Variants in GXYLT1 observed in about 807,000 individuals in gnomAD.
GXYLT1 encodes glucoside xylosyltransferase 1, also known as glycosyltransferase 8 domain containing 3.
Under a neutral mutation model 54.0 loss-of-function variants are expected in GXYLT1, and 29 were observed. The ratio of observed to expected loss-of-function variants is 0.54; its 90% CI spans 0.40 to 0.73. The LOEUF (loss-of-function observed/expected upper bound fraction) is 0.73. GXYLT1 is among the 30% of genes least tolerant of loss of function. The pLI is 0.00. For synonymous variants in GXYLT1, 176 were observed against 204.1 expected, an observed-to-expected ratio of 0.86 and a Z score of 1.17; for missense variants, 490 against 553.4, an observed-to-expected ratio of 0.89 and a Z score of 1.15.
At chr12:42,089,462 T>C (rs2065316762) in intron 7 of GXYLT1, among the ~76,000 whole-genome samples, 1 of 152,156 alleles carries the variant, frequency 6.6e-6, no homozygotes, top group Middle Eastern at 3.2e-3. Context: ...GTTGTGCATA[T>C]GTACCCTAGA....
intron 7 of GXYLT1, among the ~76,000 whole-genome samples, chr12:42,092,200 T>C (rs1226943495): frequency 2.6e-5 from 4 of 152,190 alleles, no homozygotes; most frequent in Admixed American, 2.6e-4. Context: ...CACTAACAAA[T>C]AATGAGAACT....
intron 3 of GXYLT1, among the ~76,000 whole-genome samples, chr12:42,113,665 T>C (rs1355013134): frequency 6.6e-6 from 1 of 150,678 alleles, no homozygotes; most frequent in African/African-American, 2.5e-5. Flanking sequence ...AGACTTAGAC[T>C]CCCACACAAT....
chr12:42,100,399 C>T (rs185574601), intron 5 of GXYLT1, among the ~76,000 whole-genome samples: 1,759 of 152,130 alleles, frequency 0.012, 7 homozygotes, highest in Non-Finnish European at 0.017. Flanking sequence ...CTCTCTTTTA[C>T]AAAAGTATTG....
chr12:42,085,911 C>G lies in GXYLT1; in HGVS notation c.*1875G>C, dbSNP rs1177242099. 6.6e-6 allele frequency: 1 copy of G among 151,578 alleles called. No homozygotes were observed. Among genetic ancestry groups the G allele is most frequent in the Admixed American group, 6.6e-5 (1 of 15,184 alleles). 9.4% of individuals were successfully genotyped at this position (151,578 alleles called of 1,614,324 possible). A position where few individuals can be genotyped will look rare whatever the true frequency, so the allele number is the denominator to read the frequency against. On this transcript the variant is annotated 3_prime_UTR_variant, in exon 8 of 8. Transcript: ENST00000398675. The stretch of plus-strand genomic sequence containing the variant: ...GGTAAGATAGTGATAAGTGTCAGAT[C>G]TGGATGTTGAGTACCAATGCACTAT...
chr12:42,088,892 AC>A (rs1001220487), intron 7 of GXYLT1, among the ~76,000 whole-genome samples: 4 of 151,536 alleles, frequency 2.6e-5, no homozygotes, highest in African/African-American at 9.7e-5. Flanking sequence ...TGAAAGAACC[AC>A]CCCAAGCACA....
In GXYLT1 at chr12:42,139,895, A is replaced by G. The variant is rs577268200; in HGVS notation, c.221+4531T>C. On this transcript the variant is annotated intron_variant, in intron 1 of 7. Transcript: ENST00000398675. ...AACATAACTGCAGAAAAAAGGGGGG[A>G]AAAGGGCTGGGCACGGTGGCTAATG... Among the ~76,000 whole-genome samples the G allele has an allele frequency of 2.0e-3, 301 of 152,084 alleles. 2 individuals carry two copies. Among genetic ancestry groups the G allele is most frequent in the Admixed American group, 3.0e-3 (46 of 15,274 alleles).
intron 5 of GXYLT1, among the ~76,000 whole-genome samples, chr12:42,103,298 G>T (rs980791094): frequency 2.0e-5 from 3 of 152,082 alleles, no homozygotes; most frequent in African/African-American, 4.8e-5. Context: ...TAATACACCA[G>T]GTTCGAAATG....
rs189031521 is a variant in GXYLT1 at position 42,108,076 on chromosome 12, C to T, written c.612+1490G>A. Among the ~76,000 whole-genome samples, 429 of 152,158 alleles carry T rather than the reference C, an allele frequency of 2.8e-3. 3 individuals carry two copies. The highest frequency in any genetic ancestry group is 4.5e-3 in the Non-Finnish European group (307 of 67,986). Reference sequence around the variant, plus strand: ...CCAATTTACTTAAATCTGGTTAAAACGATTAGAATTAACAATAAAGTATGA... The same window carrying T: ...CCAATTTACTTAAATCTGGTTAAAATGATTAGAATTAACAATAAAGTATGA... On this transcript the variant is annotated intron_variant, in intron 4 of 7. Transcript: ENST00000398675.
chr12:42,129,857 A>G lies in GXYLT1; in HGVS notation c.222-6T>C. ...ACAGAGAGAAATCTTTACACCTAAC[A>G]GAGTAAGACAGAAATAAGAGTCCTG... On this transcript the variant is annotated splice_polypyrimidine_tract_variant and splice_region_variant and intron_variant, in intron 1 of 7. Coordinates refer to ENST00000398675, the MANE Select transcript of GXYLT1 (RefSeq NM_173601.2). 5 of 1,580,944 alleles carry G rather than the reference A, an allele frequency of 3.2e-6. No homozygotes were observed. The highest frequency in any genetic ancestry group is 2.7e-5 in the African/African-American group (2 of 74,342).
chr12:42,129,122 T>C (rs1302070436), intron 2 of GXYLT1, among the ~76,000 whole-genome samples: 1 of 152,190 alleles, frequency 6.6e-6, no homozygotes, highest in Admixed American at 6.5e-5. Flanking sequence ...CCTTATCGTA[T>C]TCTTATCAAT....
intron 3 of GXYLT1, among the ~76,000 whole-genome samples, chr12:42,112,464 A>C (rs1406757675): frequency 6.6e-6 from 1 of 152,246 alleles, no homozygotes; most frequent in African/African-American, 2.4e-5. Flanking sequence ...GATGGAGCTG[A>C]AAACCAAGGC....
intron 3 of GXYLT1, among the ~76,000 whole-genome samples, chr12:42,116,655 T>C (rs759370904): frequency 7.9e-5 from 12 of 152,112 alleles, no homozygotes; most frequent in Non-Finnish European, 1.6e-4. Context: ...TGTGGAGAAA[T>C]AGGAACACTT....
Position 42,134,546 on chromosome 12 carries a change from G to A in GXYLT1, c.222-4695C>T, listed in dbSNP as rs116122368. Among the ~76,000 whole-genome samples, 703 of 152,236 alleles carry A rather than the reference G, an allele frequency of 4.6e-3. 6 individuals carry two copies. The highest frequency in any genetic ancestry group is 0.016 in the African/African-American group (678 of 41,534). The stretch of plus-strand genomic sequence containing the variant: ...GCTTATTATTTATATCCCATTACAT[G>A]TGTGGAAATCACTCAGCCCTCCAAT... On this transcript the variant is annotated intron_variant, in intron 1 of 7. Transcript: ENST00000398675.
chr12:42,093,035 G>A (rs998170582), intron 7 of GXYLT1, among the ~76,000 whole-genome samples: 1 of 152,152 alleles, frequency 6.6e-6, no homozygotes, highest in African/African-American at 2.4e-5. Flanking sequence ...TCTTGGTTAG[G>A]ATGTCTCAAC....
At chr12:42,130,577 A>G (rs1332484556) in intron 1 of GXYLT1, among the ~76,000 whole-genome samples, 1 of 152,204 alleles carries the variant, frequency 6.6e-6, no homozygotes, top group Non-Finnish European at 1.5e-5. Context: ...AGATTCCTCA[A>G]AAAACTGAAA....
intron 4 of GXYLT1, among the ~76,000 whole-genome samples, chr12:42,106,743 CTTTTT>C (rs1231770611): frequency 1.6e-5 from 2 of 127,630 alleles, no homozygotes; most frequent in African/African-American, 5.9e-5. Flanking sequence ...TATTATTTTT[CTTTTT>C]TTTTTTTTTT....
chr12:42,109,435 G>T, intron 4 of GXYLT1, 131 bp downstream of exon 4: 1 of 566,504 alleles, frequency 1.8e-6, no homozygotes, highest in Non-Finnish European at 2.7e-6. Context: ...GATAGTACAT[G>T]CATTGATTTC....
chr12:42,109,639 G>C lies in GXYLT1; in HGVS notation c.539C>G (p.Thr180Ser). ...QTFNYTLYPI[T>S]FPSENAAEWK... is the part of the protein sequence containing the mutation. Reference sequence around the variant, plus strand: ...CTCTGCTGCATTCTCACTTGGAAAGGTTATGGGGTATAACGTATAATTAAA... The same window carrying C: ...CTCTGCTGCATTCTCACTTGGAAAGCTTATGGGGTATAACGTATAATTAAA... The change falls in exon 4 of 8, where the codon ACC becomes AGC. Residue 180 changes from threonine to serine, a missense_variant. Thr to Ser is a moderately conservative substitution (Grantham distance 58). Around this residue, in one of 2 missense-constraint regions of GXYLT1, gnomAD observed 342 missense variants for 342.6 expected, o/e 1.00. Coordinates refer to ENST00000398675, the MANE Select transcript of GXYLT1 (RefSeq NM_173601.2). 1 of 1,587,160 alleles carries C rather than the reference G, an allele frequency of 6.3e-7. No homozygotes were observed. The highest frequency in any genetic ancestry group is 8.6e-7 in the Non-Finnish European group (1 of 1,162,492).
chr12:42,122,724 T>C lies in GXYLT1; in HGVS notation c.315-3553A>G, dbSNP rs770215304. Among the ~76,000 whole-genome samples the C allele has an allele frequency of 1.3e-3, 204 of 152,336 alleles. 1 individual carries two copies. Among genetic ancestry groups the C allele is most frequent in the African/African-American group, 4.6e-3 (190 of 41,572 alleles). The stretch of plus-strand genomic sequence containing the variant: ...GAAATGAGAGAATTATAAAATTCAC[T>C]ATTTTGCAATCACCATTGTAACAGA... On this transcript the variant is annotated intron_variant, in intron 2 of 7. Transcript: ENST00000398675.
Sources: allele counts gnomAD v4.1 joint callset (sites outside exome capture counted in the v4.1 genomes callset), GRCh38; gene constraint gnomAD v4.1.1; regional missense constraint gnomAD v4.1.1; transcripts MANE v1.5; gene names NCBI Gene and HGNC (gene_info 2026-07-23, HGNC 2026-07-21).